The following PDE1A variants were observed in gnomAD, a reference collection of about 807,000 sequenced individuals.
The protein encoded by PDE1A is dual specificity calcium/calmodulin-dependent 3',5'-cyclic nucleotide phosphodiesterase 1A.
Under a neutral mutation model 61.7 loss-of-function variants are expected in PDE1A, and 35 were observed. The observed-to-expected ratio is 0.57, with a 90% CI of 0.43 to 0.75. The LOEUF (loss-of-function observed/expected upper bound fraction) is 0.75. Among genes scored for constraint, PDE1A ranks in the 30% least tolerant of loss-of-function variants. The pLI is 0.00. For missense variants in PDE1A, 597 were observed against 630.6 expected (o/e 0.95, Z 0.57); for synonymous variants, 232 against 213.2 (o/e 1.09, Z -0.77).
intron 13 of PDE1A, among the ~76,000 whole-genome samples, chr2:182,179,770 G>A (rs895857132): frequency 6.6e-6 from 1 of 152,024 alleles, no homozygotes; most frequent in African/African-American, 2.4e-5. Context: ...GCCAGTCTCT[G>A]TTCAAAGAGC....
chr2:182,673,330 A>T, the PDE1A span, among the ~76,000 whole-genome samples: 2 of 152,200 alleles, frequency 1.3e-5, no homozygotes, highest in Non-Finnish European at 2.9e-5. Context: ...TAAATGTGTT[A>T]TTATCAAAAG....
At chr2:182,184,030 G>GAAAGAAAGAAAT (rs1685000266) in intron 13 of PDE1A, among the ~76,000 whole-genome samples, 1 of 112,106 alleles carries the variant, frequency 8.9e-6, no homozygotes, top group South Asian at 3.3e-4. Flanking sequence ...AAGAAAGAAA[G>GAAAGAAAGAAAT]AAAGAAAGAA....
chr2:182,465,399 T>G (rs1342397572), intron 2 of PDE1A, among the ~76,000 whole-genome samples: 1 of 150,858 alleles, frequency 6.6e-6, no homozygotes, highest in Non-Finnish European at 1.5e-5. Context: ...GAGCAGTGTC[T>G]CAAAAAAATT....
chr2:182,193,163 T>C (rs531766018), intron 10 of PDE1A, among the ~76,000 whole-genome samples: 2 of 152,066 alleles, frequency 1.3e-5, no homozygotes, highest in South Asian at 4.2e-4. Context: ...AATTTTTGTA[T>C]TTTTAGTAGA....
chr2:182,287,726 T>C (rs1450871264), intron 1 of PDE1A, among the ~76,000 whole-genome samples: 3 of 152,182 alleles, frequency 2.0e-5, no homozygotes, highest in African/African-American at 4.8e-5. Flanking sequence ...GGTCAAATTA[T>C]GCCTAAAGAA....
At chr2:182,156,929 A>G (rs1176465428) in intron 13 of PDE1A, among the ~76,000 whole-genome samples, 1 of 151,638 alleles carries the variant, frequency 6.6e-6, no homozygotes, top group African/African-American at 2.4e-5. Flanking sequence ...AAATCAAAAG[A>G]TGTAGAGGAG....
chr2:182,650,195 G>A, the PDE1A span, among the ~76,000 whole-genome samples: 3 of 152,100 alleles, frequency 2.0e-5, no homozygotes, highest in East Asian at 1.9e-4. Context: ...AAATGTATAA[G>A]GGCACAGGGT....
intron 1 of PDE1A, among the ~76,000 whole-genome samples, chr2:182,276,557 T>A (rs1414975761): frequency 1.3e-5 from 2 of 152,016 alleles, no homozygotes; most frequent in African/African-American, 2.4e-5. Flanking sequence ...TCAGGACCAC[T>A]ATTGTACAAA....
intron 2 of PDE1A, among the ~76,000 whole-genome samples, chr2:182,434,852 C>T (rs1193838297): frequency 6.6e-6 from 1 of 151,840 alleles, no homozygotes; most frequent in Non-Finnish European, 1.5e-5. Context: ...AATTCAATAA[C>T]AAAATACACA....
chr2:182,416,572 G>A (rs1702931101), intron 1 of PDE1A, among the ~76,000 whole-genome samples: 1 of 152,092 alleles, frequency 6.6e-6, no homozygotes, highest in Non-Finnish European at 1.5e-5. Flanking sequence ...AAGAGGAGAT[G>A]AAAAATGTTA....
the PDE1A span, among the ~76,000 whole-genome samples, chr2:182,700,056 G>A: frequency 6.6e-6 from 1 of 152,140 alleles, no homozygotes; most frequent in Non-Finnish European, 1.5e-5. Context: ...CTTTCTCTAT[G>A]AAAATGATTC....
intron 1 of PDE1A, among the ~76,000 whole-genome samples, chr2:182,380,936 A>G (rs1025234204): frequency 7.9e-5 from 12 of 152,348 alleles, no homozygotes; most frequent in African/African-American, 2.6e-4. Flanking sequence ...AGTCAGATAC[A>G]GGGCATACTG....
At chr2:182,204,883 T>G (rs1158268537) in intron 8 of PDE1A, among the ~76,000 whole-genome samples, 1 of 152,192 alleles carries the variant, frequency 6.6e-6, no homozygotes, top group Non-Finnish European at 1.5e-5. Flanking sequence ...GACAGCATTT[T>G]CTAGAGTTGC....
At chr2:182,262,512 G>T (rs544247767) in intron 2 of PDE1A, among the ~76,000 whole-genome samples, 13 of 152,082 alleles carry the variant, frequency 8.5e-5, no homozygotes, top group South Asian at 6.2e-4. Flanking sequence ...AAAGTGATCC[G>T]CCCACTTCAG....
intron 1 of PDE1A, among the ~76,000 whole-genome samples, chr2:182,268,844 A>G (rs1009337424): frequency 4.6e-5 from 7 of 152,032 alleles, no homozygotes; most frequent in Non-Finnish European, 7.4e-5. Flanking sequence ...GCCACATTTT[A>G]TTTGTTTCTC....
At chr2:182,470,270 A>G (rs905250519) in intron 2 of PDE1A, among the ~76,000 whole-genome samples, 6 of 151,910 alleles carry the variant, frequency 3.9e-5, no homozygotes, top group African/African-American at 1.4e-4. Context: ...ACATTTCATA[A>G]TAAAAGCTGA....
At chr2:182,308,111 G>A (rs369545801) in intron 1 of PDE1A, among the ~76,000 whole-genome samples, 5 of 152,126 alleles carry the variant, frequency 3.3e-5, no homozygotes, top group African/African-American at 1.2e-4. Flanking sequence ...TTTTAATATG[G>A]CAGGCCTTGT....
intron 2 of PDE1A, chr2:182,241,836 A>G: frequency 6.5e-7 from 1 of 1,542,740 alleles, no homozygotes. Flanking sequence ...CTGATCTGAC[A>G]TTTGGATGGT....
intron 2 of PDE1A, among the ~76,000 whole-genome samples, chr2:182,478,950 G>A (rs1179990604): frequency 6.6e-6 from 1 of 151,704 alleles, no homozygotes; most frequent in Non-Finnish European, 1.5e-5. Context: ...AAATTATAAT[G>A]GCACAATGTC....
Sources: allele counts gnomAD v4.1 joint callset (sites outside exome capture counted in the v4.1 genomes callset), GRCh38; gene constraint gnomAD v4.1.1; transcripts MANE v1.5; gene names NCBI Gene and HGNC (gene_info 2026-07-23, HGNC 2026-07-21).